CCND3: variants seen among roughly 807,000 people sequenced by gnomAD.
CCND3 encodes cyclin D3.
CCND3 carries 9 observed loss-of-function variants against 28.7 expected under a neutral mutation model. That is an observed-to-expected ratio of 0.31 (90% CI 0.19 to 0.55). CCND3 has a LOEUF of 0.55. Among genes scored for constraint, CCND3 ranks in the 20% least tolerant of loss-of-function variants. CCND3 has a pLI of 0.93. For missense variants in CCND3, 315 were observed against 385.8 expected (o/e 0.82, Z 1.54); for synonymous variants, 164 against 163.9 (o/e 1.00, Z 0.00).
At chr6:41,958,890 A>G (rs1169536775) in intron 1 of CCND3, among the ~76,000 whole-genome samples, 1 of 152,242 alleles carries the variant, frequency 6.6e-6, no homozygotes, top group Non-Finnish European at 1.5e-5. Flanking sequence ...AAATGGTATC[A>G]CTACTTCAGA....
chr6:42,024,166 G>A (rs950916370), intron 1 of CCND3, among the ~76,000 whole-genome samples: 9 of 152,104 alleles, frequency 5.9e-5, no homozygotes, highest in Non-Finnish European at 1.3e-4. Context: ...CACTTTGGGA[G>A]GCCGAGGCAG....
chr6:41,963,209 T>C (rs1761769411), intron 1 of CCND3, among the ~76,000 whole-genome samples: 1 of 152,210 alleles, frequency 6.6e-6, no homozygotes, highest in South Asian at 2.1e-4. Flanking sequence ...CCTAAAATCC[T>C]TCCCCAATCT....
chr6:41,964,297 TATGTGTGA>T (rs1383220490), intron 1 of CCND3, among the ~76,000 whole-genome samples: 1 of 151,708 alleles, frequency 6.6e-6, no homozygotes, highest in East Asian at 1.9e-4. Flanking sequence ...TGTGTGTGAG[TATGTGTGA>T]ATGTGTGTGA....
intron 1 of CCND3, among the ~76,000 whole-genome samples, chr6:42,013,684 T>C (rs2127429018): frequency 6.6e-6 from 1 of 152,348 alleles, no homozygotes; most frequent in East Asian, 1.9e-4. Flanking sequence ...TTTATATTGT[T>C]AAATTTTCAT....
chr6:41,991,612 C>T (rs917043718), intron 1 of CCND3, among the ~76,000 whole-genome samples: 2 of 152,128 alleles, frequency 1.3e-5, no homozygotes, highest in African/African-American at 4.8e-5. Flanking sequence ...ATTCAGTATC[C>T]TCCACCTAGC....
At chr6:41,948,651 A>T (rs897615701) in intron 1 of CCND3, among the ~76,000 whole-genome samples, 2 of 151,952 alleles carry the variant, frequency 1.3e-5, no homozygotes, top group Non-Finnish European at 2.9e-5. Context: ...AGCCTGGCCA[A>T]CATGGTGAAA....
At chr6:41,953,356 C>T (rs1167497908) in intron 1 of CCND3, among the ~76,000 whole-genome samples, 1 of 151,752 alleles carries the variant, frequency 6.6e-6, no homozygotes, top group Non-Finnish European at 1.5e-5. Context: ...ATATACACAA[C>T]TGGGCAAGTG....
At chr6:41,982,987 A>C (rs1213869912) in intron 1 of CCND3, among the ~76,000 whole-genome samples, 1 of 151,918 alleles carries the variant, frequency 6.6e-6, no homozygotes, top group Non-Finnish European at 1.5e-5. Flanking sequence ...AAACCATAAA[A>C]CTCCTAAAAG....
At chr6:41,987,820 T>A (rs1762533262) in intron 1 of CCND3, among the ~76,000 whole-genome samples, 1 of 151,774 alleles carries the variant, frequency 6.6e-6, no homozygotes. Context: ...TTTTTCTGAA[T>A]GGTGAATTAT....
intron 1 of CCND3, among the ~76,000 whole-genome samples, chr6:42,040,593 C>A (rs1036791005): frequency 1.3e-5 from 2 of 150,082 alleles, no homozygotes; most frequent in South Asian, 4.4e-4. Flanking sequence ...GTGTCTCATG[C>A]CTGTAATTCC....
rs1775930574 is a variant in CCND3 at position 41,939,790 on chromosome 6, GA to G, written c.414+579del. ...CAGAATGAGGACGAGGAAGGATTAG[GA>G]AGAAGCTGTTTCTTCCGGGATATAA... On this transcript the variant is annotated intron_variant, in intron 2 of 4. Transcript: ENST00000372991. This position sits in a 1 kb window ranked among gnomAD's most constrained non-coding sequence, Gnocchi z 4.2. Among the ~76,000 whole-genome samples, 1 of 152,186 alleles carries G rather than the reference GA, an allele frequency of 6.6e-6. No homozygotes were observed. The highest frequency in any genetic ancestry group is 1.9e-4 in the East Asian group (1 of 5,198).
At chr6:42,028,837 C>T (rs1325069317) in intron 1 of CCND3, among the ~76,000 whole-genome samples, 1 of 152,236 alleles carries the variant, frequency 6.6e-6, no homozygotes, top group Admixed American at 6.5e-5. Flanking sequence ...TGGCACACAG[C>T]AAGTGTTCAA....
At chr6:41,994,260 T>C (rs1762733759) in intron 1 of CCND3, among the ~76,000 whole-genome samples, 2 of 152,036 alleles carry the variant, frequency 1.3e-5, no homozygotes, top group African/African-American at 4.8e-5. Flanking sequence ...CAATAGGCTA[T>C]CCCATATAGT....
chr6:41,998,493 T>G (rs1762882420), intron 1 of CCND3, among the ~76,000 whole-genome samples: 2 of 146,308 alleles, frequency 1.4e-5, no homozygotes, highest in African/African-American at 5.1e-5. Flanking sequence ...GGATTACAGG[T>G]GCCAACCACC....
intron 1 of CCND3, among the ~76,000 whole-genome samples, chr6:42,024,402 CA>C (rs35756902): frequency 0.018 from 2,276 of 126,752 alleles, 78 homozygotes; most frequent in African/African-American, 0.065. Flanking sequence ...GACTCAGTCT[CA>C]AAAAAAAAAA....
chr6:42,033,983 C>T (rs1764121015), intron 1 of CCND3, among the ~76,000 whole-genome samples: 1 of 152,144 alleles, frequency 6.6e-6, no homozygotes, highest in South Asian at 2.1e-4. Context: ...AGAAGAAACG[C>T]TGTTGCTACC....
intron 1 of CCND3, among the ~76,000 whole-genome samples, chr6:42,037,443 G>A (rs982255463): frequency 6.6e-6 from 1 of 150,616 alleles, no homozygotes; most frequent in African/African-American, 2.4e-5. Context: ...CAACATATTG[G>A]CCAGGATGGT....
Position 42,011,915 on chromosome 6 carries a change from G to A in CCND3, c.-46+36586C>T, listed in dbSNP as rs577691336. ...TGTCACAGGATCATCTCGAGGTAAG[G>A]TCCTGAGCAAGGTAGCCTTTCCATG... On this transcript the variant is annotated intron_variant, in intron 1 of 4. Transcript: ENST00000372988. Among the ~76,000 whole-genome samples the A allele has an allele frequency of 1.3e-3, 199 of 152,244 alleles. 2 individuals are homozygous for A. Among genetic ancestry groups the A allele is most frequent in the African/African-American group, 4.7e-3 (196 of 41,532 alleles).
At chr6:41,998,620 G>A (rs1296255229) in intron 1 of CCND3, among the ~76,000 whole-genome samples, 1 of 151,574 alleles carries the variant, frequency 6.6e-6, no homozygotes, top group Non-Finnish European at 1.5e-5. Flanking sequence ...GAGCCACCGT[G>A]CCCAGCTGAT....
Sources: gnomAD v4.1 joint callset for allele counts (sites outside exome capture counted in the v4.1 genomes callset) on GRCh38, gnomAD v4.1.1 for gene constraint, Gnocchi (gnomAD v3.1) non-coding constraint, MANE v1.5 for transcripts, NCBI Gene and HGNC (gene_info 2026-07-23, HGNC 2026-07-21) for gene names.